SECTM1: variants seen among roughly 807,000 people sequenced by gnomAD.
SECTM1 encodes secreted and transmembrane protein 1.
In SECTM1, 10 loss-of-function variants were observed where a neutral mutation model predicts 18.1. The ratio of observed to expected loss-of-function variants is 0.55; its 90% CI spans 0.34 to 0.94. SECTM1 has a LOEUF of 0.94. SECTM1 is among the 40% of genes least tolerant of loss of function. SECTM1 has a pLI of 0.02. For missense variants in SECTM1, 297 were observed against 322.6 expected (o/e 0.92, Z 0.61); for synonymous variants, 137 against 139.2 (o/e 0.98, Z 0.11).
At chr17:82,332,728 C>G (rs2052201768) in intron 1 of SECTM1, among the ~76,000 whole-genome samples, 1 of 152,214 alleles carries the variant, frequency 6.6e-6, no homozygotes, top group Non-Finnish European at 1.5e-5. Flanking sequence ...CCCCCCAGGC[C>G]TGGGGCTAGA....
rs1414932738 is a variant in SECTM1 at position 82,324,874 on chromosome 17, G to C, written c.111C>G (p.Ile37Met). The change falls in exon 3 of 5, where the codon ATC becomes ATG. Residue 37 changes from isoleucine (I) to methionine (M), a missense_variant. Transcript: ENST00000269389. ...SAQNEGWDSPICTEGVVSVSW... is the reference protein window; with the variant it reads ...SAQNEGWDSPMCTEGVVSVSW... ...ACACAGAGACTACCCCCTCTGTGCA[G>C]ATGGGGCTGTCCCAGCCTGTAGGGC... The C allele has an allele frequency of 1.9e-6, 3 of 1,611,934 alleles. No homozygotes were observed. Among genetic ancestry groups the C allele is most frequent in the Non-Finnish European group, 1.7e-6 (2 of 1,178,848 alleles).
At position 82,330,839 on chromosome 17, in the gene SECTM1, C is replaced by G. The variant is rs922673634; in HGVS notation, c.-53+2861G>C. Among the ~76,000 whole-genome samples, 2 of 152,118 alleles carry G rather than the reference C, an allele frequency of 1.3e-5. No homozygotes were observed. Among genetic ancestry groups the G allele is most frequent in the African/African-American group, 4.8e-5 (2 of 41,424 alleles). On this transcript the variant is annotated intron_variant, in intron 1 of 4. Coordinates refer to ENST00000269389, the MANE Select transcript of SECTM1 (RefSeq NM_003004.3). The surrounding 1 kb of genome is among the most constrained non-coding windows in gnomAD (Gnocchi z 6.1). ...GGGAGAGGGGGGTGGGAGTGAGAAG[C>G]TGGCACTGTCCGTCTTTCTGGCCTC...
At chr17:82,327,640 G>C (rs80239757) in intron 1 of SECTM1, among the ~76,000 whole-genome samples, 1 of 152,280 alleles carries the variant, frequency 6.6e-6, no homozygotes, top group Non-Finnish European at 1.5e-5. Flanking sequence ...AGGTGGAATC[G>C]TTGGTAGCCG....
At position 82,330,714 on chromosome 17, in the gene SECTM1, C is replaced by T. The variant is rs2052184553; in HGVS notation, c.-53+2986G>A. ...CTGCTCTCGGGGGCTACAGCTGCTC[C>T]TAGATGCCTCTGCCACCGAGGGTGG... is the stretch of plus-strand genomic sequence containing the variant. On this transcript the variant is annotated intron_variant, in intron 1 of 4. Transcript: ENST00000269389. This position sits in a 1 kb window ranked among gnomAD's most constrained non-coding sequence, Gnocchi z 6.1. Among the ~76,000 whole-genome samples the T allele has an allele frequency of 6.6e-6, 1 of 152,116 alleles. No individual in the cohort carries two copies. The highest frequency in any genetic ancestry group is 6.5e-5 in the Admixed American group (1 of 15,282).
At position 82,325,293 on chromosome 17, in the gene SECTM1, G is replaced by A. The variant is rs1048139374; in HGVS notation, c.95-403C>T. 6.6e-6 allele frequency among the ~76,000 whole-genome samples: 1 copy of A among 152,182 alleles called. No individual in the cohort carries two copies. Among genetic ancestry groups the A allele is most frequent in the African/African-American group, 2.4e-5 (1 of 41,442 alleles). ...ACTGACCTGCCGAATCACCCTCCTC[G>A]TGGGAAGCAGTGGCCAGGCCCCACC... On this transcript the variant is annotated intron_variant, in intron 2 of 4. Transcript: ENST00000269389. The surrounding 1 kb of genome is among the most constrained non-coding windows in gnomAD (Gnocchi z 7.6).
intron 1 of SECTM1, 84 bp from the exon 2 acceptor site, chr17:82,327,376 G>A: frequency 4.1e-6 from 3 of 737,006 alleles, no homozygotes; most frequent in Non-Finnish European, 6.8e-6. Flanking sequence ...GGCGGGGGCT[G>A]GGAGGCTGGG....
rs544167189 is a variant in SECTM1, at chr17:82,331,955, C to T, written c.-53+1745G>A. 2.2e-4 allele frequency among the ~76,000 whole-genome samples: 33 copies of T among 152,046 alleles called. No homozygotes were observed. In the South Asian group the frequency reaches 4.4e-3, roughly 20 times the overall value. Reference sequence around the variant, plus strand: ...GGGAGTTTGAGACCAGTCTGAACAACGTGGTGAAACCCCGTCTCTACTAAA... The same window carrying T: ...GGGAGTTTGAGACCAGTCTGAACAATGTGGTGAAACCCCGTCTCTACTAAA... On this transcript the variant is annotated intron_variant, in intron 1 of 4. Transcript: ENST00000269389.
chr17:82,327,366 G>A, intron 1 of SECTM1, 74 bp from the exon 2 acceptor site: 1 of 850,070 alleles, frequency 1.2e-6, no homozygotes, highest in Middle Eastern at 2.2e-4. Context: ...GCTGTCACCT[G>A]GCGGGGGCTG....
chr17:82,327,333 T>A, intron 1 of SECTM1, 41 bp from the exon 2 acceptor site: 7 of 1,161,750 alleles, frequency 6.0e-6, no homozygotes, highest in Non-Finnish European at 8.6e-6. Context: ...CCCCTGCAGC[T>A]GCTGAAGGGG....
At position 82,322,173 on chromosome 17, in the gene SECTM1, G is replaced by A. The variant is rs777621956; in HGVS notation, c.735C>T (p.Ala245=). ...GCCTTGCAGGCGGCTATGGGTCTGCGGCATATGGAAACAAGGGTTGGGGGG... is the reference window on the plus strand; with the variant it reads ...GCCTTGCAGGCGGCTATGGGTCTGCAGCATATGGAAACAAGGGTTGGGGGG... ...LLSPQPLFPY[A]ADP Residue 245 remains alanine, a synonymous_variant, in exon 5 of 5, where the codon GCC becomes GCT. Coordinates refer to ENST00000269389, the MANE Select transcript of SECTM1 (RefSeq NM_003004.3). The A allele has an allele frequency of 2.5e-5, 41 of 1,613,646 alleles. 1 individual carries two copies. The highest frequency in any genetic ancestry group is 1.7e-4 in the Middle Eastern group (1 of 6,044).
chr17:82,324,971 C>G, intron 2 of SECTM1, 81 bp from the exon 3 acceptor site: 1 of 1,415,174 alleles, frequency 7.1e-7, no homozygotes, highest in Non-Finnish European at 9.6e-7. Flanking sequence ...GGGCCAGGGC[C>G]AGGGCAGGAG....
Position 82,323,600 on chromosome 17 carries a change from G to A in SECTM1, c.404-589C>T, listed in dbSNP as rs183600227. Among the ~76,000 whole-genome samples the A allele has an allele frequency of 3.1e-3, 467 of 152,032 alleles. 9 individuals carry two copies. Among genetic ancestry groups the A allele is most frequent in the Non-Finnish European group, 4.0e-3 (275 of 67,922 alleles). ...ACTAGAGGGGTCAGTGGCCCCGCAC[G>A]GTGGGGTGGCCGCTCAGGGCCTAGG... is the stretch of plus-strand genomic sequence containing the variant. On this transcript the variant is annotated intron_variant, in intron 3 of 4. Coordinates refer to ENST00000269389, the MANE Select transcript of SECTM1 (RefSeq NM_003004.3).
chr17:82,323,106 C>T (rs1449619600), intron 3 of SECTM1, 95 bp from the exon 4 acceptor site: 1 of 1,380,920 alleles, frequency 7.2e-7, no homozygotes, highest in Non-Finnish European at 9.9e-7. Context: ...CCTACACACT[C>T]CCTGGGGTGA....
chr17:82,322,189 G>T lies in SECTM1; in HGVS notation c.719C>A (p.Pro240His). 2 of 1,613,752 alleles carry T rather than the reference G, an allele frequency of 1.2e-6. No individual in the cohort carries two copies. The highest frequency in any genetic ancestry group is 1.7e-6 in the Non-Finnish European group (2 of 1,179,746). The change falls in exon 5 of 5, where the codon CCC (proline) becomes CAC (histidine). Residue 240 changes from proline (P) to histidine (H), a missense_variant. By Grantham distance (77) the Pro-to-His change is moderately conservative. Coordinates refer to ENST00000269389, the MANE Select transcript of SECTM1 (RefSeq NM_003004.3). ...TGGGTCTGCGGCATATGGAAACAAGGGTTGGGGGGACAGCAGCTCCAGGGC... is the reference window on the plus strand; with the variant it reads ...TGGGTCTGCGGCATATGGAAACAAGTGTTGGGGGGACAGCAGCTCCAGGGC... ...LGALELLSPQPLFPYAADP is the reference protein window; with the variant it reads ...LGALELLSPQHLFPYAADP
chr17:82,323,387 G>T (rs1397855276), intron 3 of SECTM1: 2 of 219,556 alleles, frequency 9.1e-6, no homozygotes, highest in Non-Finnish European at 1.8e-5. Flanking sequence ...GGTATCTGAG[G>T]AGCCTCATGC....
At position 82,322,338 on chromosome 17, in the gene SECTM1, C is replaced by A; in HGVS notation, c.570G>T (p.Lys190Asn). The A allele has an allele frequency of 6.2e-7, 1 of 1,613,756 alleles. No individual in the cohort carries two copies. The highest frequency in any genetic ancestry group is 1.3e-5 in the African/African-American group (1 of 75,030). The change falls in exon 5 of 5, where the codon AAG (lysine) becomes AAT (asparagine). Residue 190 changes from lysine (K) to asparagine (N), a missense_variant. Transcript: ENST00000269389. Reference sequence around the variant, plus strand: ...GGGCTCCCGCTCTGAGGGCTGCGACCTTCATCTGGGGTTCTAGGAGGAAGA... The same window carrying A: ...GGGCTCCCGCTCTGAGGGCTGCGACATTCATCTGGGGTTCTAGGAGGAAGA... ...KKFFLLEPQM[K>N]VAALRAGAQQ...
At chr17:82,332,611 C>A (rs2052200761) in intron 1 of SECTM1, among the ~76,000 whole-genome samples, 1 of 152,214 alleles carries the variant, frequency 6.6e-6, no homozygotes, top group African/African-American at 2.4e-5. Flanking sequence ...CAGAAGACAG[C>A]TGCAGCCTGC....
Position 82,327,163 on chromosome 17 carries a change from C to A in SECTM1, c.78G>T (p.Leu26Phe). Residue 26 changes from leucine to phenylalanine, a missense_variant, in exon 2 of 5, where the codon TTG (leucine) becomes TTT (phenylalanine). By Grantham distance (22) the Leu-to-Phe change is conservative. Coordinates refer to ENST00000269389, the MANE Select transcript of SECTM1 (RefSeq NM_003004.3). ...GAGACCTACCTTCATTCTGAGCACTCAAGGAGGCAGCCAAAAACAGGAGGG... is the reference window on the plus strand; with the variant it reads ...GAGACCTACCTTCATTCTGAGCACTAAAGGAGGCAGCCAAAAACAGGAGGG... Reference protein sequence around the residue: ...LGTLLFLAASLSAQNEGWDSP... With the variant: ...LGTLLFLAASFSAQNEGWDSP... 1 of 1,611,338 alleles carries A rather than the reference C, an allele frequency of 6.2e-7. No homozygotes were observed. Among genetic ancestry groups the A allele is most frequent in the South Asian group, 1.1e-5 (1 of 90,614 alleles).
intron 3 of SECTM1, among the ~76,000 whole-genome samples, chr17:82,323,481 C>A (rs531982483): frequency 7.0e-6 from 1 of 141,984 alleles, no homozygotes; most frequent in Admixed American, 7.0e-5. Context: ...TAGGTCGGAA[C>A]CGGGTGTGGT....
Sources: allele counts gnomAD v4.1 joint callset (sites outside exome capture counted in the v4.1 genomes callset), GRCh38; gene constraint gnomAD v4.1.1; non-coding constraint Gnocchi (gnomAD v3.1); transcripts MANE v1.5; gene names NCBI Gene and HGNC (gene_info 2026-07-23, HGNC 2026-07-21).